The following RNF169 variants were observed in gnomAD, a reference collection of about 807,000 sequenced individuals.
RNF169 encodes ring finger protein 169.
RNF169 carries 24 observed loss-of-function variants against 53.9 expected under a neutral mutation model. That is an observed-to-expected ratio of 0.45 (90% CI 0.32 to 0.63). RNF169 has a LOEUF of 0.63. Among genes scored for constraint, RNF169 ranks in the 20% least tolerant of loss-of-function variants. The probability of loss-of-function intolerance (pLI) is 0.04; values close to 1 mark genes in which losing one functional copy is unlikely to be tolerated. For missense variants in RNF169, 883 were observed against 906.2 expected, an observed-to-expected ratio of 0.97 and a Z score of 0.33; for synonymous variants, 396 against 363.5, an observed-to-expected ratio of 1.09 and a Z score of -1.02.
chr11:74,787,472 C>A (rs982612626), intron 1 of RNF169, among the ~76,000 whole-genome samples: 1 of 152,058 alleles, frequency 6.6e-6, no homozygotes, highest in Non-Finnish European at 1.5e-5. Context: ...ATTAGCAAAG[C>A]GAAAAGGTTT....
intron 2 of RNF169, among the ~76,000 whole-genome samples, chr11:74,796,999 C>T (rs545972976): frequency 6.8e-4 from 104 of 152,270 alleles, no homozygotes; most frequent in African/African-American, 2.4e-3. Flanking sequence ...GCTACAGGCA[C>T]GTACCACCTT....
At chr11:74,834,860 G>C in intron 5 of RNF169, 85 bp downstream of exon 5, 1 of 846,158 alleles carries the variant, frequency 1.2e-6, no homozygotes, top group South Asian at 1.7e-5. Flanking sequence ...AACTATTCCA[G>C]AAGAGAAGAA....
intron 2 of RNF169, among the ~76,000 whole-genome samples, chr11:74,805,333 A>G (rs1243456148): frequency 6.6e-6 from 1 of 152,228 alleles, no homozygotes; most frequent in Non-Finnish European, 1.5e-5. Context: ...TAATATAGTA[A>G]TCAGATTAGT....
At chr11:74,762,532 C>T (rs568469192) in intron 1 of RNF169, among the ~76,000 whole-genome samples, 1 of 152,314 alleles carries the variant, frequency 6.6e-6, no homozygotes, top group Admixed American at 6.5e-5. Flanking sequence ...AGACAGGACC[C>T]TCAGCTGCAG....
chr11:74,813,719 C>T (rs150658604), intron 3 of RNF169, among the ~76,000 whole-genome samples: 8 of 152,262 alleles, frequency 5.3e-5, no homozygotes, highest in Non-Finnish European at 7.4e-5. Flanking sequence ...GACGGAGTCT[C>T]GCTCTGTCGC....
chr11:74,827,559 C>A (rs1591431580), intron 4 of RNF169, among the ~76,000 whole-genome samples: 1 of 152,190 alleles, frequency 6.6e-6, no homozygotes, highest in Admixed American at 6.5e-5. Context: ...TCCTTTTAAA[C>A]ATAAGTTCCA....
Position 74,840,698 on chromosome 11 carries a change from C to A in RNF169, c.*3968C>A, listed in dbSNP as rs1394566172. ...CTAGTAGGAGAGTGAGAAAAGAGAA[C>A]AAAGGCTGGGTCACAGTCATAGAAT... On this transcript the variant is annotated 3_prime_UTR_variant, in exon 6 of 6. Transcript: ENST00000299563. The A allele has an allele frequency of 1.3e-5, 2 of 151,624 alleles. No individual in the cohort carries two copies. The highest frequency in any genetic ancestry group is 2.4e-5 in the African/African-American group (1 of 41,236). The allele number at this position is 151,624 out of a possible 1,614,324, so 9.4% of individuals were successfully genotyped here.
intron 1 of RNF169, among the ~76,000 whole-genome samples, chr11:74,768,494 C>G (rs12275056): frequency 0.041 from 6,271 of 152,032 alleles, 135 homozygotes; most frequent in African/African-American, 0.058. Flanking sequence ...GTAGTCCCAG[C>G]TACTCAGGAT....
At chr11:74,782,683 G>A (rs2035433327) in intron 1 of RNF169, among the ~76,000 whole-genome samples, 1 of 152,098 alleles carries the variant, frequency 6.6e-6, no homozygotes, top group Non-Finnish European at 1.5e-5. Context: ...ACAGAAAATT[G>A]TCTCTGTGTA....
At chr11:74,810,767 C>T (rs2035864487) in intron 3 of RNF169, among the ~76,000 whole-genome samples, 1 of 150,976 alleles carries the variant, frequency 6.6e-6, no homozygotes, top group Non-Finnish European at 1.5e-5. Flanking sequence ...GGTTTAGATA[C>T]TTAGTCTATA....
At chr11:74,761,713 C>G (rs572798616) in intron 1 of RNF169, among the ~76,000 whole-genome samples, 2 of 151,906 alleles carry the variant, frequency 1.3e-5, no homozygotes, top group African/African-American at 4.8e-5. Context: ...CTTTCCCGAC[C>G]TTTCTCTCTG....
chr11:74,781,039 G>A (rs1401149422), intron 1 of RNF169, among the ~76,000 whole-genome samples: 4 of 152,190 alleles, frequency 2.6e-5, no homozygotes, highest in African/African-American at 7.2e-5. Flanking sequence ...ACTGTGCGGG[G>A]TAAAAGGCTA....
At position 74,836,731 on chromosome 11, in the gene RNF169, C is replaced by T; in HGVS notation, c.*1C>T. On this transcript the variant is annotated 3_prime_UTR_variant, in exon 6 of 6. Coordinates refer to ENST00000299563, the MANE Select transcript of RNF169 (RefSeq NM_001098638.2). ...CAGCAACATGGCCGGGGCCAAGTAG[C>T]ACCTAATGAAGTGTTACCTATTTTT... is the stretch of plus-strand genomic sequence containing the variant. 6.2e-7 allele frequency: 1 copy of T among 1,600,924 alleles called. No individual in the cohort carries two copies. The highest frequency in any genetic ancestry group is 8.5e-7 in the Non-Finnish European group (1 of 1,174,822).
rs574137748 is a variant in RNF169 at position 74,774,181 on chromosome 11, A to AAC, written c.503-15433_503-15432dup. Among the ~76,000 whole-genome samples the AAC allele has an allele frequency of 3.4e-4, 52 of 152,056 alleles. 1 individual carries two copies. In the East Asian group the frequency reaches 4.9e-3, roughly 14 times the overall value. On this transcript the variant is annotated intron_variant, in intron 1 of 5. Coordinates refer to ENST00000299563, the MANE Select transcript of RNF169 (RefSeq NM_001098638.2). ...ATGGTGAAACCCTGTCTCTGCTAAA[A>AAC]ACACACACACACAAATTAGCCAGGC...
intron 4 of RNF169, among the ~76,000 whole-genome samples, chr11:74,823,592 C>T (rs183616413): frequency 1.2e-4 from 18 of 152,046 alleles, no homozygotes; most frequent in African/African-American, 4.3e-4. Flanking sequence ...TAAAAATCAG[C>T]CGAGCATAGT....
intron 1 of RNF169, among the ~76,000 whole-genome samples, chr11:74,773,412 G>C (rs137969455): frequency 2.0e-5 from 3 of 152,056 alleles, no homozygotes; most frequent in Non-Finnish European, 2.9e-5. Flanking sequence ...CAGCTTAGAT[G>C]ACTTGATTAT....
At position 74,789,683 on chromosome 11, in the gene RNF169, A is replaced by C. The variant is rs374399841; in HGVS notation, c.560A>C (p.Tyr187Ser). ...LSKPGELREE[Y>S]ESLRKLREEK... ...AAGCCTGGGGAACTTCGTGAGGAAT[A>C]TGAAAGCTTGAGAAAGGTATAGTAT... Residue 187 changes from tyrosine to serine, a missense_variant, in exon 2 of 6, where the codon TAT (tyrosine) becomes TCT (serine). Coordinates refer to ENST00000299563, the MANE Select transcript of RNF169 (RefSeq NM_001098638.2). 6.2e-7 allele frequency: 1 copy of C among 1,601,212 alleles called. No homozygotes were observed. The highest frequency in any genetic ancestry group is 1.7e-5 in the Admixed American group (1 of 59,940).
intron 1 of RNF169, among the ~76,000 whole-genome samples, chr11:74,773,472 G>A (rs948276087): frequency 1.3e-5 from 2 of 152,074 alleles, no homozygotes; most frequent in South Asian, 2.1e-4. Context: ...AGCTAAATAC[G>A]AATGAAAGGA....
chr11:74,796,814 C>T (rs79895936), intron 2 of RNF169, among the ~76,000 whole-genome samples: 5 of 152,136 alleles, frequency 3.3e-5, no homozygotes, highest in South Asian at 4.1e-4. Context: ...ATTGGTTTCT[C>T]GACCTATCCA....
Sources: gnomAD v4.1 joint callset for allele counts (sites outside exome capture counted in the v4.1 genomes callset) on GRCh38, gnomAD v4.1.1 for gene constraint, MANE v1.5 for transcripts, NCBI Gene and HGNC (gene_info 2026-07-23, HGNC 2026-07-21) for gene names.